Variants in ANKHD1 observed in about 807,000 individuals in gnomAD.
ANKHD1 encodes the protein ankyrin repeat and KH domain-containing protein 1.
ANKHD1 carries 31 observed loss-of-function variants against 230.5 expected under a neutral mutation model. The observed-to-expected ratio is 0.13, with a 90% CI of 0.10 to 0.18. ANKHD1 has a LOEUF of 0.18. ANKHD1 is among the 10% of genes least tolerant of loss of function. The pLI, the probability that ANKHD1 is intolerant of heterozygous loss-of-function variation, is 1.00. For missense variants in ANKHD1, 2,256 were observed against 3,071.3 expected, an observed-to-expected ratio of 0.73 and a Z score of 6.27; for synonymous variants, 1,074 against 1,117.6, an observed-to-expected ratio of 0.96 and a Z score of 0.78.
intron 24 of ANKHD1, among the ~76,000 whole-genome samples, chr5:140,520,964 G>A (rs1278368775): frequency 2.0e-5 from 3 of 150,716 alleles, no homozygotes; most frequent in South Asian, 4.2e-4. Flanking sequence ...AGTATCCTAG[G>A]ATGTGTGCTG....
intron 7 of ANKHD1, among the ~76,000 whole-genome samples, chr5:140,457,607 A>G (rs534431652): frequency 1.3e-5 from 2 of 152,292 alleles, no homozygotes; most frequent in African/African-American, 4.8e-5. Context: ...CACAAGAACA[A>G]AAAACCAGAC....
chr5:140,496,215 C>T (rs1752028932), intron 14 of ANKHD1, among the ~76,000 whole-genome samples: 1 of 151,950 alleles, frequency 6.6e-6, no homozygotes, highest in Non-Finnish European at 1.5e-5. Context: ...TCTTGGTTTT[C>T]CTTTTCCCCG....
At chr5:140,539,264 C>A in intron 33 of ANKHD1, 95 bp from the exon 34 acceptor site, 1 of 1,590,068 alleles carries the variant, frequency 6.3e-7, no homozygotes, top group Admixed American at 1.8e-5. Context: ...TCTTCCTAGG[C>A]AGAAACAGTG....
In ANKHD1 at chr5:140,476,507, CTCAT is replaced by C. The variant is rs540051512; in HGVS notation, c.1783-6072_1783-6069del. 3.3e-4 allele frequency among the ~76,000 whole-genome samples: 49 copies of C among 149,628 alleles called. No individual in the cohort carries two copies. The South Asian group carries it at 9.2e-3, about 28-fold the overall frequency. On this transcript the variant is annotated intron_variant, in intron 10 of 33. Coordinates refer to ENST00000360839, the MANE Select transcript of ANKHD1 (RefSeq NM_017747.3). Reference sequence around the variant, plus strand: ...AAACAACCATCAAAGTTTTGACCTTCTCATCAGCAATAATAAATTACAGAAGATG... The same window carrying C: ...AAACAACCATCAAAGTTTTGACCTTCCAGCAATAATAAATTACAGAAGATG...
At chr5:140,534,071 A>C (rs1239971889) in intron 29 of ANKHD1, among the ~76,000 whole-genome samples, 1 of 152,178 alleles carries the variant, frequency 6.6e-6, no homozygotes, top group East Asian at 1.9e-4. Context: ...AAATCTATAG[A>C]GACAGAAAGA....
chr5:140,466,982 A>G (rs560824538), intron 10 of ANKHD1, among the ~76,000 whole-genome samples: 13 of 152,206 alleles, frequency 8.5e-5, no homozygotes, highest in African/African-American at 3.1e-4. Context: ...TAATTATTCA[A>G]TACAGAAGTA....
intron 3 of ANKHD1, among the ~76,000 whole-genome samples, chr5:140,439,742 A>C (rs992860773): frequency 6.6e-6 from 1 of 152,150 alleles, no homozygotes; most frequent in Admixed American, 6.6e-5. Context: ...AATTGCAAAA[A>C]AATTTCATAA....
intron 25 of ANKHD1, among the ~76,000 whole-genome samples, chr5:140,524,623 A>G (rs191111876): frequency 4.1e-4 from 62 of 152,340 alleles, no homozygotes; most frequent in Admixed American, 2.9e-3. Context: ...AAGGATATAG[A>G]GGCCTGAAAT....
At position 140,485,700 on chromosome 5, in the gene ANKHD1, C is replaced by G; in HGVS notation, c.2110C>G (p.Gln704Glu). The change falls in exon 13 of 34, where the codon CAG (glutamine) becomes GAG (glutamate). Residue 704 changes from glutamine to glutamate, a missense_variant. By Grantham distance (29) the Gln-to-Glu change is conservative. This residue lies in a region of ANKHD1 where 358 missense variants were observed against 397.7 expected (regional missense o/e 0.90). Coordinates refer to ENST00000360839, the MANE Select transcript of ANKHD1 (RefSeq NM_017747.3). The surrounding 1 kb of genome is among the most constrained non-coding windows in gnomAD (Gnocchi z 4.8). ...GTCAGTTCCCACCACAGATGTGTCT[C>G]AGCTCCCTCCACCTTCTCAAGATCA... The part of the protein sequence containing the change: ...VLSVPTTDVS[Q>E]LPPPSQDQSQ... 1 of 1,614,082 alleles carries G rather than the reference C, an allele frequency of 6.2e-7. No individual in the cohort carries two copies. Among genetic ancestry groups the G allele is most frequent in the Non-Finnish European group, 8.5e-7 (1 of 1,179,990 alleles).
intron 26 of ANKHD1, 86 bp from the exon 27 acceptor site, chr5:140,526,842 C>A: frequency 6.9e-7 from 1 of 1,453,566 alleles, no homozygotes; most frequent in Admixed American, 2.6e-5. Context: ...AATATTTCAG[C>A]GTAACTCTGG....
intron 10 of ANKHD1, among the ~76,000 whole-genome samples, chr5:140,468,766 T>A (rs1776287598): frequency 6.6e-6 from 1 of 152,212 alleles, no homozygotes; most frequent in South Asian, 2.1e-4. Flanking sequence ...CTGTATAATT[T>A]ATTAACCATT....
chr5:140,493,282 C>A (rs956507931), intron 14 of ANKHD1, among the ~76,000 whole-genome samples: 1 of 152,186 alleles, frequency 6.6e-6, no homozygotes, highest in Non-Finnish European at 1.5e-5. Context: ...TCAGGCTGGT[C>A]TAGAACTCCC....
At position 140,449,310 on chromosome 5, in the gene ANKHD1, T is replaced by A. The variant is rs1004761541; in HGVS notation, c.1242+5T>A. On this transcript the variant is annotated splice_donor_5th_base_variant and intron_variant, in intron 7 of 33. Coordinates refer to ENST00000360839, the MANE Select transcript of ANKHD1 (RefSeq NM_017747.3). The stretch of plus-strand genomic sequence containing the variant: ...GCCTTAATGGAGGCCTGCATGGTAA[T>A]TTTAAATTACACTCACTTGAGATTT... 6.2e-7 allele frequency: 1 copy of A among 1,611,752 alleles called. No individual in the cohort carries two copies. Among genetic ancestry groups the A allele is most frequent in the Non-Finnish European group, 8.5e-7 (1 of 1,178,684 alleles).
chr5:140,527,277 T>C lies in ANKHD1; in HGVS notation c.5087+203T>C. ...ATATTTTATATGACACAAGAAATTT[T>C]GGCTTTTTTGGATAACCTCAGTTGC... On this transcript the variant is annotated intron_variant, in intron 27 of 33. Transcript: ENST00000360839. The surrounding 1 kb of genome is among the most constrained non-coding windows in gnomAD (Gnocchi z 4.5). The C allele has an allele frequency of 1.3e-6, 1 of 789,506 alleles. No homozygotes were observed. The allele number at this position is 789,506 out of a possible 1,614,324, so 48.9% of individuals were successfully genotyped here. A position where few individuals can be genotyped will look rare whatever the true frequency, so the allele number is the denominator to read the frequency against.
At chr5:140,497,912 CACACACACAG>C (rs1752109695) in intron 15 of ANKHD1, 1 of 118,872 alleles carries the variant, frequency 8.4e-6, no homozygotes, top group Non-Finnish European at 1.9e-5. Flanking sequence ...CACACACACA[CACACACACAG>C]AAAAAAAGGC....
At chr5:140,452,749 A>G (rs1774851814) in intron 7 of ANKHD1, among the ~76,000 whole-genome samples, 1 of 152,198 alleles carries the variant, frequency 6.6e-6, no homozygotes, top group Non-Finnish European at 1.5e-5. Flanking sequence ...AAAGGTAGAT[A>G]AAACCACAAA....
chr5:140,432,674 C>A (rs1056523607), intron 1 of ANKHD1, among the ~76,000 whole-genome samples: 1 of 151,952 alleles, frequency 6.6e-6, no homozygotes, highest in Non-Finnish European at 1.5e-5. Flanking sequence ...GGCTACACCA[C>A]TATGTTTCCA....
At chr5:140,455,435 C>T (rs1227793088) in intron 7 of ANKHD1, among the ~76,000 whole-genome samples, 1 of 152,166 alleles carries the variant, frequency 6.6e-6, no homozygotes, top group Non-Finnish European at 1.5e-5. Flanking sequence ...AGACCAATAT[C>T]CCTGATGAAC....
chr5:140,504,817 T>C lies in ANKHD1; in HGVS notation c.3005-4T>C. 6.2e-7 allele frequency: 1 copy of C among 1,607,828 alleles called. No homozygotes were observed. Among genetic ancestry groups the C allele is most frequent in the Non-Finnish European group, 8.5e-7 (1 of 1,178,418 alleles). Reference sequence around the variant, plus strand: ...AATTTAGCAATATGAATATTGTTTTTCAGCTGTGAGTACCAGAGTGCCCAC... The same window carrying C: ...AATTTAGCAATATGAATATTGTTTTCCAGCTGTGAGTACCAGAGTGCCCAC... On this transcript the variant is annotated splice_region_variant and splice_polypyrimidine_tract_variant and intron_variant, in intron 15 of 33. Coordinates refer to ENST00000360839, the MANE Select transcript of ANKHD1 (RefSeq NM_017747.3).
Sources: gnomAD v4.1 joint callset for allele counts (sites outside exome capture counted in the v4.1 genomes callset) on GRCh38, gnomAD v4.1.1 for gene constraint, gnomAD v4.1.1 regional missense constraint, Gnocchi (gnomAD v3.1) non-coding constraint, MANE v1.5 for transcripts, NCBI Gene and HGNC (gene_info 2026-07-23, HGNC 2026-07-21) for gene names.